Variants in SOX6 observed in about 807,000 individuals in gnomAD.
SOX6 encodes the protein transcription factor SOX-6.
Under a neutral mutation model 97.8 loss-of-function variants are expected in SOX6, and 11 were observed. That is an observed-to-expected ratio of 0.11 (90% confidence interval 0.07 to 0.19). The LOEUF (loss-of-function observed/expected upper bound fraction) is 0.19, where lower values mean the gene tolerates loss of function less well. SOX6 is among the 10% of genes least tolerant of loss of function. SOX6 has a pLI of 1.00. For missense variants in SOX6, 810 were observed against 1,039.5 expected, an observed-to-expected ratio of 0.78 and a Z score of 3.04; for synonymous variants, 360 against 371.4, an observed-to-expected ratio of 0.97 and a Z score of 0.35.
chr11:16,274,557 C>T (rs1323163733), intron 3 of SOX6, among the ~76,000 whole-genome samples: 1 of 152,080 alleles, frequency 6.6e-6, no homozygotes, highest in African/African-American at 2.4e-5. Context: ...TTTAAAAACA[C>T]ACAGAGGTAA....
upstream of SOX6, among the ~76,000 whole-genome samples, chr11:16,477,535 A>G (rs922276390): frequency 6.6e-6 from 1 of 152,216 alleles, no homozygotes; most frequent in Non-Finnish European, 1.5e-5. Context: ...CAGGTAATTT[A>G]TTCTATTTTC....
chr11:16,109,269 C>T (rs2034792), intron 7 of SOX6, among the ~76,000 whole-genome samples: 16,083 of 152,056 alleles, frequency 0.11, 1,754 homozygotes, highest in East Asian at 0.37. Context: ...GGCAGAATCA[C>T]GGCTCACTGC....
At chr11:16,693,144 AAACAATAAG>A (rs547319762) in intron 3 of SOX6, among the ~76,000 whole-genome samples, 107 of 152,332 alleles carry the variant, frequency 7.0e-4, no homozygotes, top group African/African-American at 2.5e-3. Context: ...GTCAAATAGT[AAACAATAAG>A]AATAAGAATA....
At chr11:16,182,468 A>T (rs920999038) in intron 6 of SOX6, among the ~76,000 whole-genome samples, 2 of 151,826 alleles carry the variant, frequency 1.3e-5, no homozygotes, top group Admixed American at 6.6e-5. Flanking sequence ...AGCTACACTG[A>T]AAATTCTAAT....
At chr11:16,559,576 T>C (rs958432633) in intron 4 of SOX6, among the ~76,000 whole-genome samples, 3 of 152,032 alleles carry the variant, frequency 2.0e-5, no homozygotes, top group African/African-American at 7.2e-5. Flanking sequence ...AAGTACTCAA[T>C]ACACCATTTA....
At chr11:16,485,656 T>C (rs1164872776) in intron 4 of SOX6, among the ~76,000 whole-genome samples, 2 of 148,132 alleles carry the variant, frequency 1.4e-5, no homozygotes, top group Admixed American at 6.7e-5. Flanking sequence ...GCTTGAACCC[T>C]GGAGGCAGAG....
intron 3 of SOX6, among the ~76,000 whole-genome samples, chr11:16,675,114 A>C (rs148813461): frequency 6.6e-6 from 1 of 152,252 alleles, no homozygotes; most frequent in Admixed American, 6.5e-5. Flanking sequence ...TACAAAAATC[A>C]GTAGCATTTC....
At position 16,043,067 on chromosome 11, in the gene SOX6, T is replaced by G. The variant is rs117709243; in HGVS notation, c.1623+3447A>C. Among the ~76,000 whole-genome samples, 4 of 152,314 alleles carry G rather than the reference T, an allele frequency of 2.6e-5. No individual in the cohort carries two copies. In the East Asian group the frequency reaches 5.8e-4, roughly 22 times the overall value. On this transcript the variant is annotated intron_variant, in intron 12 of 15. Transcript: ENST00000683767. ...TTAAAAAGGCCCACCCTGCCTTGCA[T>G]GTCTTCTTGCCAGATGCCCTTAGCT...
At chr11:16,000,857 T>C (rs1179842584) in intron 13 of SOX6, among the ~76,000 whole-genome samples, 1 of 152,048 alleles carries the variant, frequency 6.6e-6, no homozygotes, top group Non-Finnish European at 1.5e-5. Flanking sequence ...ATTTATTTTA[T>C]TTTATTTATT....
At chr11:16,496,844 C>A (rs1042984466) in intron 4 of SOX6, among the ~76,000 whole-genome samples, 1 of 152,198 alleles carries the variant, frequency 6.6e-6, no homozygotes, top group Non-Finnish European at 1.5e-5. Flanking sequence ...GTGGAGCCCA[C>A]CGCAGGTCAA....
intron 3 of SOX6, among the ~76,000 whole-genome samples, chr11:16,635,160 C>A (rs1848766073): frequency 6.6e-6 from 1 of 152,138 alleles, no homozygotes; most frequent in Non-Finnish European, 1.5e-5. Context: ...TAAAGATACT[C>A]AAAAACGTGG....
At chr11:16,221,012 G>C (rs950852851) in intron 4 of SOX6, among the ~76,000 whole-genome samples, 5 of 151,954 alleles carry the variant, frequency 3.3e-5, no homozygotes, top group Non-Finnish European at 7.4e-5. Context: ...TTATTACTGA[G>C]TAGTTAACTT....
intron 3 of SOX6, among the ~76,000 whole-genome samples, chr11:16,278,967 A>T (rs1854477938): frequency 1.3e-5 from 2 of 152,120 alleles, no homozygotes; most frequent in Admixed American, 6.6e-5. Flanking sequence ...CAGAGGAAAA[A>T]ATAGGTACAG....
At chr11:16,538,458 C>A (rs1441558512) in intron 4 of SOX6, among the ~76,000 whole-genome samples, 3 of 152,288 alleles carry the variant, frequency 2.0e-5, no homozygotes, top group African/African-American at 7.2e-5. Context: ...ATGACAGGAT[C>A]AAATTCACAC....
At chr11:16,333,466 G>T (rs568684046) in intron 2 of SOX6, among the ~76,000 whole-genome samples, 1 of 151,970 alleles carries the variant, frequency 6.6e-6, no homozygotes, top group Non-Finnish European at 1.5e-5. Context: ...TTCTGTACAA[G>T]AAAATATATA....
intron 4 of SOX6, among the ~76,000 whole-genome samples, chr11:16,201,637 T>TC (rs1159068246): frequency 1.5e-5 from 2 of 132,956 alleles, no homozygotes; most frequent in Non-Finnish European, 3.2e-5. Flanking sequence ...TTTTTTTTTC[T>TC]TTTTTTTTTT....
intron 2 of SOX6, among the ~76,000 whole-genome samples, chr11:16,332,725 C>G (rs909735999): frequency 3.3e-5 from 5 of 152,062 alleles, no homozygotes; most frequent in Non-Finnish European, 7.4e-5. Context: ...TTATTGAACT[C>G]AATTTGCATC....
chr11:16,663,096 T>A (rs1438128330), intron 3 of SOX6, among the ~76,000 whole-genome samples: 1 of 151,350 alleles, frequency 6.6e-6, no homozygotes, highest in Non-Finnish European at 1.5e-5. Context: ...ATCTCCTCAA[T>A]CTTATAAAAG....
At chr11:16,278,501 A>G (rs1854464691) in intron 3 of SOX6, among the ~76,000 whole-genome samples, 1 of 152,154 alleles carries the variant, frequency 6.6e-6, no homozygotes, top group Non-Finnish European at 1.5e-5. Flanking sequence ...CAGAGCTCAT[A>G]GCGTAGACGC....
Sources: allele counts gnomAD v4.1 joint callset (sites outside exome capture counted in the v4.1 genomes callset), GRCh38; gene constraint gnomAD v4.1.1; transcripts MANE v1.5; gene names NCBI Gene and HGNC (gene_info 2026-07-23, HGNC 2026-07-21).